Variants in ZNF644 observed in about 807,000 individuals in gnomAD.
ZNF644 encodes zinc finger protein 644.
A neutral mutation model predicts 108.0 loss-of-function variants in ZNF644; 20 were observed. The observed-to-expected ratio is 0.19, with a 90% confidence interval of 0.13 to 0.27. The LOEUF is 0.27. Ranked by LOEUF, ZNF644 falls within the 10% of genes least tolerant of loss-of-function variation. The pLI is 1.00. For synonymous variants in ZNF644, 542 were observed against 539.1 expected (o/e 1.01, Z -0.08); for missense variants, 1,338 against 1,548.9 (o/e 0.86, Z 2.29).
intron 1 of ZNF644, among the ~76,000 whole-genome samples, chr1:90,994,097 T>C (rs187492710): frequency 1.2e-3 from 182 of 152,032 alleles, no homozygotes; most frequent in South Asian, 1.5e-3. Context: ...AGAATGCTTC[T>C]TAGTACATTT....
intron 1 of ZNF644, among the ~76,000 whole-genome samples, chr1:91,005,941 GA>G (rs549980251): frequency 9.4e-4 from 137 of 145,350 alleles, no homozygotes; most frequent in Admixed American, 1.4e-3. Context: ...AAACAGTAGA[GA>G]AAAAAAAAAT....
At chr1:90,956,246 G>A (rs1653742560) in intron 2 of ZNF644, among the ~76,000 whole-genome samples, 1 of 152,146 alleles carries the variant, frequency 6.6e-6, no homozygotes, top group Admixed American at 6.5e-5. Context: ...TAAAAAGTTT[G>A]AAACACTGTG....
chr1:90,952,707 C>T (rs967823607), intron 2 of ZNF644, among the ~76,000 whole-genome samples: 3 of 152,004 alleles, frequency 2.0e-5, no homozygotes, highest in Non-Finnish European at 4.4e-5. Flanking sequence ...AGAGTAAGAG[C>T]TGAAACTGAT....
chr1:90,995,275 G>A (rs1183523018), intron 1 of ZNF644, among the ~76,000 whole-genome samples: 1 of 152,066 alleles, frequency 6.6e-6, no homozygotes, highest in Non-Finnish European at 1.5e-5. Context: ...TGAGTCAACA[G>A]AAGATTAGAG....
intron 4 of ZNF644, among the ~76,000 whole-genome samples, chr1:90,928,386 C>T (rs1187697221): frequency 5.5e-5 from 8 of 146,066 alleles, no homozygotes; most frequent in Non-Finnish European, 8.9e-5. Flanking sequence ...GGCACAATCT[C>T]GGCTCACTGC....
chr1:90,939,005 G>A lies in ZNF644; in HGVS notation c.2349C>T (p.Asn783=). 1 of 1,614,016 alleles carries A rather than the reference G, an allele frequency of 6.2e-7. No homozygotes were observed. Among genetic ancestry groups the A allele is most frequent in the Non-Finnish European group, 8.5e-7 (1 of 1,179,940 alleles). Residue 783 remains asparagine (N), a synonymous_variant, in exon 3 of 6, where the codon AAC becomes AAT. Coordinates refer to ENST00000337393, the MANE Select transcript of ZNF644 (RefSeq NM_201269.3). ...HLFSSSSNSH[N]NFISDPHKPD... is the part of the protein sequence containing the mutation. Reference sequence around the variant, plus strand: ...GCTTATGAGGGTCTGAAATAAAATTGTTGTGAGAATTACTTGATGATGAAA... The same window carrying A: ...GCTTATGAGGGTCTGAAATAAAATTATTGTGAGAATTACTTGATGATGAAA...
In ZNF644 at chr1:90,941,295, T is replaced by C. The variant is rs767917034; in HGVS notation, c.59A>G (p.Asn20Ser). The C allele has an allele frequency of 2.5e-6, 4 of 1,599,728 alleles. No individual in the cohort carries two copies. The highest frequency in any genetic ancestry group is 3.4e-6 in the Non-Finnish European group (4 of 1,176,586). ...ATCATCCATATTGTTGGCAAGCCCA[T>C]TTAACACATTTAGTCTAGAAAATGG... ...NKTKSRLNVL[N>S]GLANNMDDLK... The change falls in exon 3 of 6, where the codon AAT becomes AGT. Residue 20 changes from asparagine (N) to serine (S), a missense_variant. Physicochemically the swap from Asn to Ser is conservative, Grantham distance 46. This residue lies in a region of ZNF644 where 464 missense variants were observed against 457.9 expected (regional missense o/e 1.01). Transcript: ENST00000337393.
At chr1:91,011,434 A>G (rs1474299023) in intron 1 of ZNF644, among the ~76,000 whole-genome samples, 1 of 152,192 alleles carries the variant, frequency 6.6e-6, no homozygotes, top group Non-Finnish European at 1.5e-5. Context: ...ATTTTTTATT[A>G]TATACGTTTA....
At chr1:90,920,658 T>C (rs1649325716) in intron 4 of ZNF644, among the ~76,000 whole-genome samples, 1 of 152,018 alleles carries the variant, frequency 6.6e-6, no homozygotes, top group East Asian at 1.9e-4. Context: ...GCCATCATTT[T>C]TGTAGCAATG....
At chr1:90,919,999 A>AAT (rs1416622763) in intron 4 of ZNF644, among the ~76,000 whole-genome samples, 7 of 152,060 alleles carry the variant, frequency 4.6e-5, no homozygotes, top group Admixed American at 4.6e-4. Flanking sequence ...ACAAGAGTGA[A>AAT]ATACCTTATG....
At chr1:91,008,088 G>A (rs1305101355) in intron 1 of ZNF644, among the ~76,000 whole-genome samples, 1 of 152,160 alleles carries the variant, frequency 6.6e-6, no homozygotes, top group African/African-American at 2.4e-5. Flanking sequence ...TCTCAGAACT[G>A]GGAGGGAAAA....
At position 90,916,367 on chromosome 1, in the gene ZNF644, GTAT is replaced by G. The variant is rs1249062388; in HGVS notation, c.*428_*430del. 5.3e-6 allele frequency: 1 copy of G among 189,574 alleles called. No homozygotes were observed. The highest frequency in any genetic ancestry group is 1.1e-5 in the Non-Finnish European group (1 of 90,610). 11.7% of individuals were successfully genotyped at this position (189,574 alleles called of 1,614,324 possible). A position where few individuals can be genotyped will look rare whatever the true frequency, so the allele number is the denominator to read the frequency against. On this transcript the variant is annotated 3_prime_UTR_variant, in exon 6 of 6. Transcript: ENST00000337393. ...GAGTAAATTTAGTCAGCGGTTCTTG[GTAT>G]TATACAAAACACTAAATACATACAA... is the stretch of plus-strand genomic sequence containing the variant.
At chr1:90,996,993 A>G (rs960179881) in intron 1 of ZNF644, among the ~76,000 whole-genome samples, 14 of 152,316 alleles carry the variant, frequency 9.2e-5, no homozygotes, top group Admixed American at 3.3e-4. Context: ...TAGGACAACC[A>G]AAGGACATTT....
At chr1:90,936,245 C>T (rs1451800780) in intron 4 of ZNF644, among the ~76,000 whole-genome samples, 1 of 152,160 alleles carries the variant, frequency 6.6e-6, no homozygotes, top group Admixed American at 6.5e-5. Context: ...CTCACTCCCC[C>T]AACACATTTC....
At chr1:91,009,315 C>T (rs888622456) in intron 1 of ZNF644, among the ~76,000 whole-genome samples, 1 of 151,712 alleles carries the variant, frequency 6.6e-6, no homozygotes, top group East Asian at 1.9e-4. Context: ...GTTCTATTTC[C>T]TAACTCTTAA....
At chr1:90,978,204 T>G (rs2101428592) in intron 2 of ZNF644, among the ~76,000 whole-genome samples, 1 of 152,084 alleles carries the variant, frequency 6.6e-6, no homozygotes, top group South Asian at 2.1e-4. Context: ...ATACTAAAAT[T>G]AGCCAGGTGT....
chr1:90,989,442 C>T (rs565452197), intron 1 of ZNF644, among the ~76,000 whole-genome samples: 3 of 152,218 alleles, frequency 2.0e-5, no homozygotes, highest in African/African-American at 7.2e-5. Context: ...ACTTGAGAGG[C>T]TGAGGTGGGA....
chr1:90,941,049 G>C lies in ZNF644; in HGVS notation c.305C>G (p.Thr102Ser). The C allele has an allele frequency of 6.2e-7, 1 of 1,614,140 alleles. No homozygotes were observed. The highest frequency in any genetic ancestry group is 2.2e-5 in the East Asian group (1 of 44,878). ...CAAGATAAAGTTTTCACTAGAAACA[G>C]TAGGAGCACCAGCATGTATAAATAG... is the stretch of plus-strand genomic sequence containing the variant. ...SSLFIHAGAP[T>S]VSSENFILPK... Residue 102 changes from threonine (T) to serine (S), a missense_variant, in exon 3 of 6, where the codon ACT becomes AGT. Physicochemically the swap from Thr to Ser is moderately conservative, Grantham distance 58. Coordinates refer to ENST00000337393, the MANE Select transcript of ZNF644 (RefSeq NM_201269.3).
chr1:90,969,787 T>G (rs1276063200), intron 2 of ZNF644, among the ~76,000 whole-genome samples: 1 of 152,138 alleles, frequency 6.6e-6, no homozygotes, highest in Non-Finnish European at 1.5e-5. Context: ...GATATGTGTA[T>G]GTAGGAAAAA....
Sources: gnomAD v4.1 joint callset for allele counts (sites outside exome capture counted in the v4.1 genomes callset) on GRCh38, gnomAD v4.1.1 for gene constraint, gnomAD v4.1.1 regional missense constraint, MANE v1.5 for transcripts, NCBI Gene and HGNC (gene_info 2026-07-23, HGNC 2026-07-21) for gene names.